The following ADRA1A variants were observed in gnomAD, a reference collection of about 807,000 sequenced individuals.
ADRA1A encodes the protein adrenoceptor alpha 1A.
Under a neutral mutation model 29.6 loss-of-function variants are expected in ADRA1A, and 31 were observed. The observed-to-expected ratio is 1.05, with a 90% CI of 0.79 to 1.41. ADRA1A has a LOEUF of 1.41. Among genes scored for constraint, ADRA1A ranks in the 40% most tolerant of loss-of-function variants. The pLI, the probability that ADRA1A is intolerant of heterozygous loss-of-function variation, is 0.00. For missense variants in ADRA1A, 619 were observed against 601.1 expected (o/e 1.03, Z -0.31); for synonymous variants, 311 against 254.3 (o/e 1.22, Z -2.12).
rs1445064951 is a variant in ADRA1A at position 26,860,403 on chromosome 8, G to C, written c.883+3684C>G. Among the ~76,000 whole-genome samples, 2 of 152,152 alleles carry C rather than the reference G, an allele frequency of 1.3e-5. No individual in the cohort carries two copies. The highest frequency in any genetic ancestry group is 1.5e-5 in the Non-Finnish European group (1 of 68,026). On this transcript the variant is annotated intron_variant, in intron 2 of 2. Coordinates refer to ENST00000380573, the MANE Select transcript of ADRA1A (RefSeq NM_000680.4). The surrounding 1 kb of genome is among the most constrained non-coding windows in gnomAD (Gnocchi z 4.7). ...CACACACTCTCTGGGACTCACAGTA[G>C]GTCCTCAGCATTGCCTCCTGTATCC...
chr8:26,858,254 T>C (rs1813190858), intron 2 of ADRA1A, among the ~76,000 whole-genome samples: 1 of 152,234 alleles, frequency 6.6e-6, no homozygotes, highest in Non-Finnish European at 1.5e-5. Context: ...CGCTGGGTTT[T>C]GTGTTTAAAT....
At chr8:26,820,290 G>GC (rs200351868) in intron 2 of ADRA1A, among the ~76,000 whole-genome samples, 300 of 152,224 alleles carry the variant, frequency 2.0e-3, no homozygotes, top group African/African-American at 6.9e-3. Flanking sequence ...CATAATATAT[G>GC]TTTTTCTCAA....
chr8:26,840,682 G>A (rs923712306), intron 2 of ADRA1A, among the ~76,000 whole-genome samples: 1 of 151,764 alleles, frequency 6.6e-6, no homozygotes, highest in Non-Finnish European at 1.5e-5. Flanking sequence ...AGCTAAAACA[G>A]GAAGTCTTGA....
At position 26,779,770 on chromosome 8, in the gene ADRA1A, C is replaced by T. The variant is rs188744325; in HGVS notation, c.884-9104G>A. Among the ~76,000 whole-genome samples, 424 of 152,210 alleles carry T rather than the reference C, an allele frequency of 2.8e-3. 5 individuals are homozygous for T. The highest frequency in any genetic ancestry group is 0.023 in the Admixed American group (349 of 15,292). On this transcript the variant is annotated intron_variant, in intron 2 of 2. Coordinates refer to ENST00000380573, the MANE Select transcript of ADRA1A (RefSeq NM_000680.4). ...CCCAGGCAATTCTGATTGCATGAAGCGGGAATGGAATTAGCTCTATTCCTG... is the reference window on the plus strand; with the variant it reads ...CCCAGGCAATTCTGATTGCATGAAGTGGGAATGGAATTAGCTCTATTCCTG...
chr8:26,752,091 G>T (rs972596696), downstream of ADRA1A, among the ~76,000 whole-genome samples: 4 of 151,746 alleles, frequency 2.6e-5, no homozygotes, highest in African/African-American at 9.7e-5. Context: ...TTTTTCCAGA[G>T]AGCTCATTGG....
chr8:26,844,665 A>G (rs1449893498), intron 2 of ADRA1A, among the ~76,000 whole-genome samples: 3 of 152,192 alleles, frequency 2.0e-5, no homozygotes, highest in Admixed American at 2.0e-4. Flanking sequence ...TGCTTGGACA[A>G]TTGGATTTCT....
At chr8:26,801,881 G>A (rs571965925) in intron 2 of ADRA1A, among the ~76,000 whole-genome samples, 4 of 152,062 alleles carry the variant, frequency 2.6e-5, no homozygotes, top group Non-Finnish European at 4.4e-5. Flanking sequence ...ACATGGTACC[G>A]GCATAAAAAC....
At position 26,840,480 on chromosome 8, in the gene ADRA1A, A is replaced by G. The variant is rs1811739204; in HGVS notation, c.883+23607T>C. Among the ~76,000 whole-genome samples the G allele has an allele frequency of 2.0e-5, 3 of 152,198 alleles. No individual in the cohort carries two copies. The South Asian group carries it at 6.2e-4, about 32-fold the overall frequency. On this transcript the variant is annotated intron_variant, in intron 2 of 2. Coordinates refer to ENST00000380573, the MANE Select transcript of ADRA1A (RefSeq NM_000680.4). ...CCAAAGCAGTTACCATGGAAACCCT[A>G]GACTTTGGTTTGGAAAGTAAAAGTA...
In ADRA1A at chr8:26,863,975, T is replaced by C. The variant is rs766250265; in HGVS notation, c.883+112A>G. On this transcript the variant is annotated intron_variant, in intron 2 of 2. Transcript: ENST00000380573. ...TTTTCTAATTGCCCTAGAGCTGTGC[T>C]GTTTGAAATGCTAATCCTTCCTCTT... is the stretch of plus-strand genomic sequence containing the variant. The C allele has an allele frequency of 6.3e-6, 7 of 1,119,408 alleles. No homozygotes were observed. The East Asian group carries it at 1.7e-4, about 28-fold the overall frequency. The allele number at this position is 1,119,408 out of a possible 1,614,324, so 69.3% of individuals were successfully genotyped here.
intron 2 of ADRA1A, among the ~76,000 whole-genome samples, chr8:26,856,820 C>T (rs2130771212): frequency 6.6e-6 from 1 of 152,312 alleles, no homozygotes; most frequent in African/African-American, 2.4e-5. Context: ...CTATCTCCTT[C>T]TGGAGATTAG....
chr8:26,775,084 GCCATCCGGC>G lies in ADRA1A; in HGVS notation c.884-4427_884-4419del, dbSNP rs1213650248. On this transcript the variant is annotated intron_variant, in intron 2 of 2. Transcript: ENST00000380573. This position sits in a 1 kb window ranked among gnomAD's most constrained non-coding sequence, Gnocchi z 4.1. ...CTCTGTGGGGAAGTCCATTCGAGCA[GCCATCCGGC>G]CGGCTTTGCTCACTCACGGAGCTCC... Among the ~76,000 whole-genome samples the G allele has an allele frequency of 6.6e-6, 1 of 152,166 alleles. No homozygotes were observed. Among genetic ancestry groups the G allele is most frequent in the Non-Finnish European group, 1.5e-5 (1 of 68,036 alleles).
chr8:26,788,822 G>A (rs1807597430), intron 2 of ADRA1A, among the ~76,000 whole-genome samples: 1 of 152,150 alleles, frequency 6.6e-6, no homozygotes, highest in Non-Finnish European at 1.5e-5. Flanking sequence ...CTCTACTGCT[G>A]TATAGTGCTG....
downstream of ADRA1A, among the ~76,000 whole-genome samples, chr8:26,753,267 T>C (rs779768357): frequency 5.9e-5 from 9 of 152,168 alleles, no homozygotes; most frequent in Admixed American, 1.3e-4. Flanking sequence ...TAATATGTCC[T>C]GTCTTGAACA....
rs147046643 is a variant in ADRA1A, at chr8:26,865,679, C to A, written c.-686-24G>T. 3.0e-4 allele frequency: 299 copies of A among 985,958 alleles called. No homozygotes were observed. In the African/African-American group the frequency reaches 4.9e-3, roughly 16 times the overall value. 61.1% of individuals were successfully genotyped at this position (985,958 alleles called of 1,614,324 possible). A position where few individuals can be genotyped will look rare whatever the true frequency, so the allele number is the denominator to read the frequency against. ...ACCTGAAAGAGCGCAAAGAGAAAGG[C>A]GGCTTTGAGCTAGGCGCCCCAGGGA... On this transcript the variant is annotated intron_variant, in intron 1 of 2. Transcript: ENST00000380573. The surrounding 1 kb of genome is among the most constrained non-coding windows in gnomAD (Gnocchi z 7.6).
intron 2 of ADRA1A, among the ~76,000 whole-genome samples, chr8:26,845,499 G>A (rs950973776): frequency 6.6e-6 from 1 of 152,172 alleles, no homozygotes; most frequent in Non-Finnish European, 1.5e-5. Context: ...GTAAACTGGG[G>A]CGTTTGCTGT....
intron 2 of ADRA1A, among the ~76,000 whole-genome samples, chr8:26,820,929 G>A (rs553544348): frequency 4.1e-3 from 629 of 151,998 alleles, no homozygotes; most frequent in Non-Finnish European, 7.0e-3. Flanking sequence ...TCACTCTGTC[G>A]CCCAGGCTGG....
At position 26,805,223 on chromosome 8, in the gene ADRA1A, C is replaced by A. The variant is rs899193130; in HGVS notation, c.884-34557G>T. Among the ~76,000 whole-genome samples, 1 of 152,162 alleles carries A rather than the reference C, an allele frequency of 6.6e-6. No individual in the cohort carries two copies. Among genetic ancestry groups the A allele is most frequent in the Non-Finnish European group, 1.5e-5 (1 of 68,032 alleles). On this transcript the variant is annotated intron_variant, in intron 2 of 2. Transcript: ENST00000380573. The surrounding 1 kb of genome is among the most constrained non-coding windows in gnomAD (Gnocchi z 4.8). ...GCCTACCTGGCTCTTCACGTGAAGT[C>A]GCCTTCCTCATTTGTCCACTCTCAA...
At chr8:26,819,180 C>T (rs552911685) in intron 2 of ADRA1A, among the ~76,000 whole-genome samples, 5 of 152,078 alleles carry the variant, frequency 3.3e-5, no homozygotes, top group African/African-American at 1.2e-4. Flanking sequence ...ATTAAAAATG[C>T]TGAAAGAAAA....
At chr8:26,765,518 T>A (rs1298092221), downstream of ADRA1A, among the ~76,000 whole-genome samples, 1 of 152,200 alleles carries the variant, frequency 6.6e-6, no homozygotes, top group Non-Finnish European at 1.5e-5. Context: ...ACGGGGCAGG[T>A]GCAAACAGTG....
Sources: gnomAD v4.1 joint callset for allele counts (sites outside exome capture counted in the v4.1 genomes callset) on GRCh38, gnomAD v4.1.1 for gene constraint, Gnocchi (gnomAD v3.1) non-coding constraint, MANE v1.5 for transcripts, NCBI Gene and HGNC (gene_info 2026-07-23, HGNC 2026-07-21) for gene names.